MLXIPL: variants seen among roughly 807,000 people sequenced by gnomAD.
The protein encoded by MLXIPL is carbohydrate-responsive element-binding protein.
In MLXIPL, 49 loss-of-function variants were observed where a neutral mutation model predicts 81.5. The ratio of observed to expected loss-of-function variants is 0.60; its 90% confidence interval spans 0.48 to 0.76. The LOEUF (loss-of-function observed/expected upper bound fraction) is 0.76, where lower values mean the gene tolerates loss of function less well. MLXIPL is among the 30% of genes least tolerant of loss of function. The probability of loss-of-function intolerance (pLI) is 0.00; values close to 1 mark genes in which losing one functional copy is unlikely to be tolerated. For synonymous variants in MLXIPL, 466 were observed against 485.5 expected (o/e 0.96, Z 0.53); for missense variants, 1,053 against 1,167.0 (o/e 0.90, Z 1.42).
chr7:73,633,464 G>A, the MLXIPL span, among the ~76,000 whole-genome samples: 1 of 151,722 alleles, frequency 6.6e-6, no homozygotes, highest in South Asian at 2.1e-4. Context: ...TCCCGCCATG[G>A]TGTGTGCCAA....
intron 1 of MLXIPL, among the ~76,000 whole-genome samples, chr7:73,621,901 TCTCC>T (rs1488898718): frequency 3.4e-5 from 3 of 88,622 alleles, no homozygotes; most frequent in Admixed American, 1.2e-4. Flanking sequence ...TTTCCCTCTA[TCTCC>T]CTCCCTCCCT....
At chr7:73,630,017 A>ATTT in the MLXIPL span, among the ~76,000 whole-genome samples, 1 of 134,278 alleles carries the variant, frequency 7.4e-6, no homozygotes, top group African/African-American at 2.9e-5. Context: ...TTTATTTATG[A>ATTT]GACGGAGTCT....
rs781962983 is a variant in MLXIPL at position 73,624,150 on chromosome 7, C to A, written c.293+50G>T. On this transcript the variant is annotated intron_variant, in intron 1 of 16. Coordinates refer to ENST00000313375, the MANE Select transcript of MLXIPL (RefSeq NM_032951.3). ...GCGCAGTCCTGCCCCGGACCCCCCC[C>A]CCATCCCCACCTGGAAGCCAAGGCC... The A allele has an allele frequency of 4.5e-5, 66 of 1,473,012 alleles. 1 individual carries two copies. The highest frequency in any genetic ancestry group is 2.5e-4 in the Middle Eastern group (1 of 4,078). 91.2% of individuals were successfully genotyped at this position (1,473,012 alleles called of 1,614,324 possible). A position where few individuals can be genotyped will look rare whatever the true frequency, so the allele number is the denominator to read the frequency against.
In MLXIPL at chr7:73,624,430, T is replaced by C. The variant is rs1412851211; in HGVS notation, c.63A>G (p.Pro21=). 4 of 1,559,556 alleles carry C rather than the reference T, an allele frequency of 2.6e-6. No individual in the cohort carries two copies. The highest frequency in any genetic ancestry group is 3.4e-6 in the Non-Finnish European group (4 of 1,160,330). ...GLQVPRVAPS[P]DSDSDTDSED... ...CCGAGTCTGTGTCCGAGTCCGAGTCTGGGCTGGGCGCGACCCGCGGGACCT... is the reference window on the plus strand; with the variant it reads ...CCGAGTCTGTGTCCGAGTCCGAGTCCGGGCTGGGCGCGACCCGCGGGACCT... The change falls in exon 1 of 17, where the codon CCA becomes CCG. Residue 21 remains proline (P), a synonymous_variant. Transcript: ENST00000313375.
chr7:73,601,105 G>T (rs2116271521), intron 7 of MLXIPL, among the ~76,000 whole-genome samples: 1 of 151,736 alleles, frequency 6.6e-6, no homozygotes, highest in Non-Finnish European at 1.5e-5. Context: ...TGCCTCCCAG[G>T]AGCCACCTCC....
chr7:73,643,054 A>T, the MLXIPL span, among the ~76,000 whole-genome samples: 1 of 152,170 alleles, frequency 6.6e-6, no homozygotes, highest in African/African-American at 2.4e-5. Flanking sequence ...CAGGAGCCAC[A>T]GTCAAAGACC....
Position 73,616,196 on chromosome 7 carries a change from G to A in MLXIPL, c.294-19C>T, listed in dbSNP as rs782279137. 2.3e-5 allele frequency: 37 copies of A among 1,589,616 alleles called. No homozygotes were observed. Among genetic ancestry groups the A allele is most frequent in the Non-Finnish European group, 3.2e-5 (37 of 1,157,784 alleles). ...CTTGCCACTGTCAAAGGGGAGAGGA[G>A]TAGGGTTAGGGAGATGCAGTGCTGC... is the stretch of plus-strand genomic sequence containing the variant. On this transcript the variant is annotated intron_variant, in intron 1 of 16. Transcript: ENST00000313375.
chr7:73,616,089 T>A lies in MLXIPL; in HGVS notation c.382A>T (p.Arg128Trp). The A allele has an allele frequency of 6.2e-7, 1 of 1,613,940 alleles. No individual in the cohort carries two copies. Among genetic ancestry groups the A allele is most frequent in the Non-Finnish European group, 8.5e-7 (1 of 1,179,960 alleles). The change falls in exon 2 of 17, where the codon AGG becomes TGG. Residue 128 changes from arginine (R) to tryptophan (W), a missense_variant. By Grantham distance (101) the Arg-to-Trp change is moderately radical. Around this residue, in one of 3 missense-constraint regions of MLXIPL, gnomAD observed 226 missense variants for 216.2 expected, o/e 1.05. Coordinates refer to ENST00000313375, the MANE Select transcript of MLXIPL (RefSeq NM_032951.3). ...DKIRLNNAIW[R>W]AWYIQYVKRR... The stretch of plus-strand genomic sequence containing the variant: ...CACTCACACTGGATATACCAGGCCC[T>A]CCAGATGGCGTTGTTCAGGCGGATC...
the MLXIPL span, among the ~76,000 whole-genome samples, chr7:73,633,237 C>T: frequency 6.6e-6 from 1 of 151,782 alleles, no homozygotes; most frequent in African/African-American, 2.4e-5. Flanking sequence ...CCCGCCACCA[C>T]GCCCGGCTAA....
At chr7:73,598,520 C>T (rs961443106) in intron 8 of MLXIPL, among the ~76,000 whole-genome samples, 1 of 152,166 alleles carries the variant, frequency 6.6e-6, no homozygotes, top group Non-Finnish European at 1.5e-5. Flanking sequence ...CACCAACCCA[C>T]GTGTGCCTCC....
chr7:73,621,688 C>CAT, intron 1 of MLXIPL, among the ~76,000 whole-genome samples: 1 of 145,402 alleles, frequency 6.9e-6, no homozygotes, highest in African/African-American at 2.5e-5. Flanking sequence ...CATCTCCCTC[C>CAT]CTCCCTCCAT....
At chr7:73,610,819 C>T (rs1325960448) in intron 2 of MLXIPL, 1 of 151,452 alleles carries the variant, frequency 6.6e-6, no homozygotes, top group Non-Finnish European at 1.5e-5. Flanking sequence ...ACACAGCCCA[C>T]CTTTTCTTTT....
At chr7:73,643,498 A>T in the MLXIPL span, among the ~76,000 whole-genome samples, 1 of 150,058 alleles carries the variant, frequency 6.7e-6, no homozygotes, top group Non-Finnish European at 1.5e-5. Context: ...TGGGCGACAG[A>T]GCGAGACTCC....
chr7:73,639,065 G>A, the MLXIPL span, among the ~76,000 whole-genome samples: 3 of 152,164 alleles, frequency 2.0e-5, no homozygotes, highest in Admixed American at 2.0e-4. Flanking sequence ...AGCCTGTGGT[G>A]AGGCTGAGGA....
At chr7:73,628,253 T>G (rs1796783396), upstream of MLXIPL, among the ~76,000 whole-genome samples, 1 of 151,940 alleles carries the variant, frequency 6.6e-6, no homozygotes, top group Non-Finnish European at 1.5e-5. Flanking sequence ...TTTCAGGGAC[T>G]TTCCTCTGAG....
At chr7:73,602,642 T>C (rs80135424) in intron 7 of MLXIPL, among the ~76,000 whole-genome samples, 2 of 152,026 alleles carry the variant, frequency 1.3e-5, no homozygotes, top group Non-Finnish European at 2.9e-5. Flanking sequence ...ATGATGCCAC[T>C]GCACTCCAGC....
chr7:73,643,391 G>GT, the MLXIPL span, among the ~76,000 whole-genome samples: 1 of 152,060 alleles, frequency 6.6e-6, no homozygotes, highest in Admixed American at 6.6e-5. Context: ...GCGGGTGCCT[G>GT]TAGTCCCAGC....
chr7:73,624,456 G>A lies in MLXIPL; in HGVS notation c.37C>T (p.Gln13Ter), dbSNP rs1554603178. ...GALAGLAAGL[Q>*]VPRVAPSPDS... The stretch of plus-strand genomic sequence containing the variant: ...GGGCTGGGCGCGACCCGCGGGACCT[G>A]CAAGCCCGCGGCCAGACCTGCCAGC... The change falls in exon 1 of 17, where the codon CAG becomes TAG. Residue 13 changes from glutamine (Q) to a stop codon, truncating the protein, a stop_gained. Coordinates refer to ENST00000313375, the MANE Select transcript of MLXIPL (RefSeq NM_032951.3). LOFTEE classifies it high-confidence loss of function. 1 of 1,549,292 alleles carries A rather than the reference G, an allele frequency of 6.5e-7. No individual in the cohort carries two copies. Among genetic ancestry groups the A allele is most frequent in the Non-Finnish European group, 8.7e-7 (1 of 1,155,598 alleles).
At chr7:73,606,930 G>C (rs782625132) in intron 5 of MLXIPL, 44 bp downstream of exon 5, 3 of 1,600,080 alleles carry the variant, frequency 1.9e-6, no homozygotes, top group Non-Finnish European at 2.6e-6. Context: ...TCTACTTGGG[G>C]GGCAAAGGGA....
Sources: gnomAD v4.1 joint callset for allele counts (sites outside exome capture counted in the v4.1 genomes callset) on GRCh38, gnomAD v4.1.1 for gene constraint, gnomAD v4.1.1 regional missense constraint, MANE v1.5 for transcripts, NCBI Gene and HGNC (gene_info 2026-07-23, HGNC 2026-07-21) for gene names.